Variants in CDC42BPG observed in about 807,000 individuals in gnomAD.
CDC42BPG encodes the protein CDC42 binding protein kinase gamma.
Under a neutral mutation model 192.2 loss-of-function variants are expected in CDC42BPG, and 157 were observed. That is an observed-to-expected ratio of 0.82 (90% CI 0.72 to 0.93). The LOEUF is 0.93. Among genes scored for constraint, CDC42BPG ranks in the 40% least tolerant of loss-of-function variants. CDC42BPG has a pLI of 0.00. For missense variants in CDC42BPG, 1,992 were observed against 2,122.1 expected (o/e 0.94, Z 1.20); for synonymous variants, 981 against 918.5 (o/e 1.07, Z -1.23).
rs777360665 is a variant in CDC42BPG at position 64,827,762 on chromosome 11, G to A, written c.3989C>T (p.Thr1330Ile). ...ATCGATGGAGTTCTCGCTGAACACT[G>A]TCAGGTAGGGGGCCGCATACCCTGC... is the stretch of plus-strand genomic sequence containing the variant. ...MGWGYAAPYL[T>I]VFSENSIDVF... The change falls in exon 31 of 37, where the codon ACA (threonine) becomes ATA (isoleucine). Residue 1330 changes from threonine (T) to isoleucine (I), a missense_variant. Transcript: ENST00000342711. 2 of 1,611,988 alleles carry A rather than the reference G, an allele frequency of 1.2e-6. No homozygotes were observed. Among genetic ancestry groups the A allele is most frequent in the South Asian group, 2.2e-5 (2 of 90,834 alleles).
At chr11:64,833,197 C>CACA (rs1942786146) in intron 24 of CDC42BPG, 34 bp downstream of exon 24, 2 of 1,474,948 alleles carry the variant, frequency 1.4e-6, no homozygotes, top group East Asian at 4.9e-5. Context: ...ACACCTGGGA[C>CACA]CGTGGCTGGA....
At chr11:64,836,557 G>A (rs374624825) in intron 11 of CDC42BPG, 27 bp from the exon 12 acceptor site, 14 of 1,592,106 alleles carry the variant, frequency 8.8e-6, no homozygotes, top group South Asian at 1.1e-5. Flanking sequence ...CTGAGACCTC[G>A]AGTGCTGGCG....
Position 64,834,278 on chromosome 11 carries a change from G to T in CDC42BPG, c.2401C>A (p.Arg801=). 6.4e-7 allele frequency: 1 copy of T among 1,574,042 alleles called. No homozygotes were observed. Among genetic ancestry groups the T allele is most frequent in the Non-Finnish European group, 8.6e-7 (1 of 1,165,656 alleles). ...LAMLREELRA[R]GPVDTKPSNS... ...GGCAGCCACTCACCCACTGGCCCTC[G>T]GGCCCGCAGCTCCTCCCGCAGCATG... Residue 801 remains arginine (R), a synonymous_variant, in exon 20 of 37, where the codon CGA becomes AGA. Coordinates refer to ENST00000342711, the MANE Select transcript of CDC42BPG (RefSeq NM_017525.3).
In CDC42BPG at chr11:64,827,316, AAAG is replaced by A. The variant is rs758466251; in HGVS notation, c.4230_4232del (p.Phe1412del). The A allele has an allele frequency of 1.2e-6, 2 of 1,614,050 alleles. No homozygotes were observed. Among genetic ancestry groups the A allele is most frequent in the Non-Finnish European group, 1.7e-6 (2 of 1,179,978 alleles). On this transcript the variant is annotated inframe_deletion, in exon 33 of 37. Transcript: ENST00000342711. Reference sequence around the variant, plus strand: ...TCTGCTGCTCCTCCGACACGCGGAAAAAGAAGCGGCGCTTGCTCTTGGTGCGGA... The same window carrying A: ...TCTGCTGCTCCTCCGACACGCGGAAAAAGCGGCGCTTGCTCTTGGTGCGGA...
At position 64,834,266 on chromosome 11, in the gene CDC42BPG, C is replaced by T. The variant is rs1025783040; in HGVS notation, c.2413G>A (p.Asp805Asn). 8.9e-6 allele frequency: 14 copies of T among 1,568,278 alleles called. No homozygotes were observed. In the Admixed American group the frequency reaches 1.1e-4, roughly 12 times the overall value. The change falls in exon 20 of 37, where the codon GAC becomes AAC. Residue 805 changes from aspartate to asparagine, a missense_variant and splice_region_variant. This residue lies in a region of CDC42BPG where 1,656 missense variants were observed against 1,844.3 expected (regional missense o/e 0.90). Coordinates refer to ENST00000342711, the MANE Select transcript of CDC42BPG (RefSeq NM_017525.3). ...REELRARGPV[D>N]TKPSNSLIPF... ...GGGCAAGCAGTTGGCAGCCACTCAC[C>T]CACTGGCCCTCGGGCCCGCAGCTCC...
chr11:64,829,443 C>G (rs766455166), intron 30 of CDC42BPG, 28 bp downstream of exon 30: 4 of 1,600,526 alleles, frequency 2.5e-6, no homozygotes, highest in Non-Finnish European at 3.4e-6. Context: ...GTGCCTGGCC[C>G]CCCTGCCAAG....
intron 20 of CDC42BPG, 127 bp from the exon 21 acceptor site, chr11:64,834,104 C>T: frequency 2.1e-6 from 3 of 1,449,326 alleles, no homozygotes; most frequent in Admixed American, 1.7e-5. Context: ...CTGGGCACAG[C>T]AGGCACTCCA....
At chr11:64,836,553 C>G (rs1360767224) in intron 11 of CDC42BPG, 23 bp from the exon 12 acceptor site, 2 of 1,600,560 alleles carry the variant, frequency 1.2e-6, no homozygotes, top group Middle Eastern at 1.7e-4. Context: ...GTCACTGAGA[C>G]CTCGAGTGCT....
In CDC42BPG at chr11:64,836,136, G is replaced by A. The variant is rs2136329869; in HGVS notation, c.1649C>T (p.Ala550Val). 6.3e-7 allele frequency: 1 copy of A among 1,599,652 alleles called. No homozygotes were observed. The highest frequency in any genetic ancestry group is 8.5e-7 in the Non-Finnish European group (1 of 1,174,842). Residue 550 changes from alanine to valine, a missense_variant, in exon 13 of 37, where the codon GCC becomes GTC. By Grantham distance (64) the Ala-to-Val change is moderately conservative. Transcript: ENST00000342711. ...ACTCACCTCCCTCTGGGCAGCCCGG[G>A]CTTCCTCCAGCTGGGAGCTCAGGGC... ...TRALSSQLEE[A>V]RAAQRELEAQ... is the part of the protein sequence containing the mutation.
At chr11:64,831,150 G>A (rs1207388644) in intron 28 of CDC42BPG, among the ~76,000 whole-genome samples, 3 of 152,188 alleles carry the variant, frequency 2.0e-5, no homozygotes, top group East Asian at 1.9e-4. Flanking sequence ...TCTGGGAGGC[G>A]GAGGTTGCAG....
In CDC42BPG at chr11:64,843,305, A is replaced by C. The variant is rs77255220; in HGVS notation, c.160+1105T>G. Among the ~76,000 whole-genome samples, 82 of 152,104 alleles carry C rather than the reference A, an allele frequency of 5.4e-4. No individual in the cohort carries two copies. In the East Asian group the frequency reaches 0.015, roughly 27 times the overall value. ...TGGAGGCAGTCAGGGAGGAGCACAC[A>C]TGTGTGTGCAAACACACACACGTGT... On this transcript the variant is annotated intron_variant, in intron 1 of 36. Transcript: ENST00000342711.
intron 28 of CDC42BPG, among the ~76,000 whole-genome samples, 160 bp downstream of exon 28, chr11:64,831,345 A>C (rs990466532): frequency 3.9e-5 from 6 of 152,176 alleles, no homozygotes; most frequent in Admixed American, 2.6e-4. Context: ...CTGGGGGCCC[A>C]GCCATGCACA....
At position 64,836,115 on chromosome 11, in the gene CDC42BPG, A is replaced by G. The variant is rs1458239674; in HGVS notation, c.1668+2T>C. 1 of 1,595,202 alleles carries G rather than the reference A, an allele frequency of 6.3e-7. No homozygotes were observed. The highest frequency in any genetic ancestry group is 1.4e-5 in the African/African-American group (1 of 74,042). Reference sequence around the variant, plus strand: ...CTGTCCCTACCCACCCTGGTCACTCACCTCCCTCTGGGCAGCCCGGGCTTC... The same window carrying G: ...CTGTCCCTACCCACCCTGGTCACTCGCCTCCCTCTGGGCAGCCCGGGCTTC... On this transcript the variant is annotated splice_donor_variant, in intron 13 of 36. Transcript: ENST00000342711. LOFTEE classifies it high-confidence loss of function.
rs771316496 is a variant in CDC42BPG, at chr11:64,840,216, C to T, written c.485G>A (p.Arg162His). 15 of 1,613,136 alleles carry T rather than the reference C, an allele frequency of 9.3e-6. No individual in the cohort carries two copies. The highest frequency in any genetic ancestry group is 4.4e-5 in the South Asian group (4 of 91,090). The part of the protein sequence containing the change: ...AGGDLLTLLS[R>H]FEDRLPPELA... ...CTCGGGCGGGAGACGGTCCTCGAAG[C>T]GGCTCAGCAGCGTCAGGAGGTCCCC... The change falls in exon 5 of 37, where the codon CGC (arginine) becomes CAC (histidine). Residue 162 changes from arginine to histidine, a missense_variant. Transcript: ENST00000342711.
At chr11:64,839,676 A>C in intron 5 of CDC42BPG, 105 bp from the exon 6 acceptor site, 17 of 877,400 alleles carry the variant, frequency 1.9e-5, no homozygotes, top group Non-Finnish European at 2.7e-5. Flanking sequence ...GCACCAGCTC[A>C]CACACATTCC....
In CDC42BPG at chr11:64,839,182, G is replaced by C; in HGVS notation, c.727C>G (p.Leu243Val). 2.5e-6 allele frequency: 4 copies of C among 1,613,366 alleles called. No individual in the cohort carries two copies. The highest frequency in any genetic ancestry group is 3.4e-6 in the Non-Finnish European group (4 of 1,180,040). Residue 243 changes from leucine to valine, a missense_variant, in exon 7 of 37, where the codon CTG (leucine) becomes GTG (valine). This residue lies in a region of CDC42BPG where 1,656 missense variants were observed against 1,844.3 expected (regional missense o/e 0.90). Coordinates refer to ENST00000342711, the MANE Select transcript of CDC42BPG (RefSeq NM_017525.3). ...CCCTTGCCCTCCTCCATGGCCTGCA[G>C]GATCTCAGGGGAGATATAGTCCGGC... is the stretch of plus-strand genomic sequence containing the variant. ...GTPDYISPEILQAMEEGKGHY... is the reference protein window; with the variant it reads ...GTPDYISPEIVQAMEEGKGHY...
In CDC42BPG at chr11:64,835,579, C is replaced by G; in HGVS notation, c.1801G>C (p.Glu601Gln). The stretch of plus-strand genomic sequence containing the variant: ...AGTTGGGCCTCCTGAGGCCCACCCT[C>G]AGGGGGTCCCATCCCGTTGGTCTCA... ...ASETNGMGPP[E>Q]GGPQEAQLRK... The change falls in exon 15 of 37, where the codon GAG (glutamate) becomes CAG (glutamine). Residue 601 changes from glutamate to glutamine, a missense_variant. Physicochemically the swap from Glu to Gln is conservative, Grantham distance 29. Coordinates refer to ENST00000342711, the MANE Select transcript of CDC42BPG (RefSeq NM_017525.3). The G allele has an allele frequency of 6.3e-7, 1 of 1,582,482 alleles. No homozygotes were observed. Among genetic ancestry groups the G allele is most frequent in the Non-Finnish European group, 8.6e-7 (1 of 1,167,776 alleles).
intron 36 of CDC42BPG, among the ~76,000 whole-genome samples, chr11:64,826,067 GAAA>G (rs10692629): frequency 7.5e-6 from 1 of 134,006 alleles, no homozygotes. Flanking sequence ...ACTCCATCTG[GAAA>G]AAAAAAAAAA....
intron 16 of CDC42BPG, 59 bp downstream of exon 16, chr11:64,835,288 A>C: frequency 6.2e-7 from 1 of 1,610,782 alleles, no homozygotes; most frequent in African/African-American, 1.3e-5. Flanking sequence ...CCACCCCTCA[A>C]CTGGCTCCCC....
Sources: gnomAD v4.1 joint callset for allele counts (sites outside exome capture counted in the v4.1 genomes callset) on GRCh38, gnomAD v4.1.1 for gene constraint, gnomAD v4.1.1 regional missense constraint, MANE v1.5 for transcripts, NCBI Gene and HGNC (gene_info 2026-07-23, HGNC 2026-07-21) for gene names.